The following LAMC1 variants were observed in gnomAD, a reference collection of about 807,000 sequenced individuals.
The protein encoded by LAMC1 is laminin subunit gamma 1.
A neutral mutation model predicts 173.6 loss-of-function variants in LAMC1; 38 were observed. That is an observed-to-expected ratio of 0.22 (90% CI 0.17 to 0.29). The LOEUF is 0.29. LAMC1 is among the 10% of genes least tolerant of loss of function. The pLI is 1.00. For synonymous variants in LAMC1, 746 were observed against 749.1 expected (o/e 1.00, Z 0.07); for missense variants, 1,824 against 2,051.8 (o/e 0.89, Z 2.14).
intron 1 of LAMC1, chr1:183,096,621 G>T (rs1338072070): frequency 6.6e-6 from 1 of 152,176 alleles, no homozygotes; most frequent in Non-Finnish European, 1.5e-5. Flanking sequence ...TTCTCAAATT[G>T]TAAGTTCCAT....
chr1:183,132,509 G>A lies in LAMC1; in HGVS notation c.3676G>A (p.Ala1226Thr), dbSNP rs1357710775. The change falls in exon 21 of 28, where the codon GCA becomes ACA. Residue 1226 changes from alanine (A) to threonine (T), a missense_variant. Coordinates refer to ENST00000258341, the MANE Select transcript of LAMC1 (RefSeq NM_002293.4). ...LRTLAGENQT[A>T]FEIEELNRKY... is the part of the protein sequence containing the mutation. ...GACACTGGCAGGAGAAAATCAAACAGCATTTGAGATTGAAGAGCTTAATAG... is the reference window on the plus strand; with the variant it reads ...GACACTGGCAGGAGAAAATCAAACAACATTTGAGATTGAAGAGCTTAATAG... 1.9e-6 allele frequency: 3 copies of A among 1,613,782 alleles called. No homozygotes were observed. The highest frequency in any genetic ancestry group is 2.2e-5 in the East Asian group (1 of 44,876).
chr1:183,119,983 C>A (rs1656424525), intron 11 of LAMC1, among the ~76,000 whole-genome samples: 3 of 151,484 alleles, frequency 2.0e-5, no homozygotes, highest in Admixed American at 2.0e-4. Context: ...GCAGCCTGGG[C>A]AACATAGCAA....
At chr1:183,071,950 C>T (rs2102041452) in intron 1 of LAMC1, among the ~76,000 whole-genome samples, 1 of 152,264 alleles carries the variant, frequency 6.6e-6, no homozygotes, top group East Asian at 1.9e-4. Flanking sequence ...TCTGTATTCT[C>T]TAATGCAGTG....
chr1:183,023,861 C>A lies in LAMC1; in HGVS notation c.145C>A (p.Arg49Ser). The A allele has an allele frequency of 6.2e-7, 1 of 1,610,624 alleles. No individual in the cohort carries two copies. Among genetic ancestry groups the A allele is most frequent in the Non-Finnish European group, 8.5e-7 (1 of 1,178,496 alleles). Residue 49 changes from arginine to serine, a missense_variant, in exon 1 of 28, where the codon CGC becomes AGC. Arg to Ser is a moderately radical substitution (Grantham distance 110). Coordinates refer to ENST00000258341, the MANE Select transcript of LAMC1 (RefSeq NM_002293.4). ...CACGGACGAGGGCGGGCGGCCGCAG[C>A]GCTGCATGCCCGAGTTCGTCAACGC... ...ECTDEGGRPQ[R>S]CMPEFVNAAF...
At chr1:183,115,923 G>A (rs548818481) in intron 6 of LAMC1, among the ~76,000 whole-genome samples, 5 of 152,048 alleles carry the variant, frequency 3.3e-5, no homozygotes, top group South Asian at 2.1e-4. Context: ...GCTGGATCAC[G>A]AGGTCAGGAG....
At chr1:183,115,175 A>G (rs1436777241) in intron 5 of LAMC1, among the ~76,000 whole-genome samples, 4 of 152,182 alleles carry the variant, frequency 2.6e-5, no homozygotes, top group African/African-American at 9.6e-5. Context: ...TTAGGCCTAT[A>G]TATACTTAAA....
At chr1:183,047,584 G>A (rs991283786) in intron 1 of LAMC1, among the ~76,000 whole-genome samples, 1 of 152,214 alleles carries the variant, frequency 6.6e-6, no homozygotes, top group Non-Finnish European at 1.5e-5. Context: ...CTTGTAAAAT[G>A]TGATAGATAT....
chr1:183,077,793 T>TATATATATATATATATATATATACAC (rs1558040719), intron 1 of LAMC1, among the ~76,000 whole-genome samples: 1 of 147,080 alleles, frequency 6.8e-6, no homozygotes, highest in African/African-American at 2.5e-5. Flanking sequence ...TATATATATA[T>TATATATATATATATATATATATACAC]ATACAGTAGC....
chr1:183,115,708 T>C lies in LAMC1; in HGVS notation c.1328+71T>C, dbSNP rs575548655. On this transcript the variant is annotated intron_variant, in intron 6 of 27. Coordinates refer to ENST00000258341, the MANE Select transcript of LAMC1 (RefSeq NM_002293.4). ...AGTCAACACATATTAATAGATCTTA[T>C]GGCTTATTGGCAGCAGGGTAAACAT... 7.0e-5 allele frequency: 70 copies of C among 996,144 alleles called. No individual in the cohort carries two copies. In the African/African-American group the frequency reaches 7.8e-4, roughly 11 times the overall value. The allele number at this position is 996,144 out of a possible 1,614,324, so 61.7% of individuals were successfully genotyped here.
intron 1 of LAMC1, among the ~76,000 whole-genome samples, chr1:183,046,442 AT>A (rs111326765): frequency 0.048 from 7,229 of 151,870 alleles, 364 homozygotes; most frequent in African/African-American, 0.13. Context: ...TTTATTATTG[AT>A]TTTTTTCTCC....
intron 1 of LAMC1, among the ~76,000 whole-genome samples, chr1:183,050,708 A>G (rs1305003040): frequency 2.7e-5 from 4 of 150,142 alleles, no homozygotes; most frequent in Non-Finnish European, 5.9e-5. Context: ...CCTGACCAAC[A>G]TGGTGAAACC....
At chr1:183,130,018 AAGTC>A (rs1656737208) in intron 18 of LAMC1, among the ~76,000 whole-genome samples, 1 of 152,194 alleles carries the variant, frequency 6.6e-6, no homozygotes, top group Non-Finnish European at 1.5e-5. Context: ...GCTGGTATTA[AAGTC>A]AGTCATTCTC....
chr1:183,096,743 G>A (rs1275732138), intron 1 of LAMC1: 5 of 152,230 alleles, frequency 3.3e-5, no homozygotes, highest in African/African-American at 1.2e-4. Context: ...CTAAGGGATT[G>A]TCCTCTTGCA....
intron 1 of LAMC1, among the ~76,000 whole-genome samples, chr1:183,027,517 A>G (rs1653721309): frequency 6.6e-6 from 1 of 152,148 alleles, no homozygotes; most frequent in African/African-American, 2.4e-5. Context: ...ACAGGATCCT[A>G]ATCTTGAGAA....
intron 11 of LAMC1, among the ~76,000 whole-genome samples, chr1:183,118,614 T>A (rs1215244401): frequency 1.3e-5 from 2 of 152,024 alleles, no homozygotes; most frequent in East Asian, 3.9e-4. Context: ...TCCCAGCTAC[T>A]TGGGTGGCTG....
chr1:183,075,052 T>C (rs1231169926), intron 1 of LAMC1, among the ~76,000 whole-genome samples: 2 of 152,098 alleles, frequency 1.3e-5, no homozygotes, highest in East Asian at 3.8e-4. Flanking sequence ...CCAAGATAGA[T>C]TATTAAAATT....
chr1:183,103,178 A>G, intron 1 of LAMC1, 150 bp from the exon 2 acceptor site: 1 of 789,092 alleles, frequency 1.3e-6, no homozygotes, highest in Non-Finnish European at 2.0e-6. Flanking sequence ...GAAAATACGT[A>G]GTTTTCTGTT....
Position 183,140,367 on chromosome 1 carries a change from T to A in LAMC1, c.4474-37T>A, listed in dbSNP as rs77860624. On this transcript the variant is annotated intron_variant, in intron 26 of 27. Coordinates refer to ENST00000258341, the MANE Select transcript of LAMC1 (RefSeq NM_002293.4). Reference sequence around the variant, plus strand: ...AAAAGATTTAAAGAAGATGAAAACATACAGTCAAGACTCTTTGCCTCATTT... The same window carrying A: ...AAAAGATTTAAAGAAGATGAAAACAAACAGTCAAGACTCTTTGCCTCATTT... The A allele has an allele frequency of 5.1e-3, 6,334 of 1,232,940 alleles. 219 individuals are homozygous for A. The African/African-American group carries it at 0.075, about 15-fold the overall frequency. 76.4% of individuals were successfully genotyped at this position (1,232,940 alleles called of 1,614,324 possible). A position where few individuals can be genotyped will look rare whatever the true frequency, so the allele number is the denominator to read the frequency against.
intron 1 of LAMC1, among the ~76,000 whole-genome samples, chr1:183,043,540 A>G (rs1246754795): frequency 6.6e-6 from 1 of 152,192 alleles, no homozygotes. Context: ...TTAATAGGAA[A>G]TTTCATTTCA....
Sources: gnomAD v4.1 joint callset for allele counts (sites outside exome capture counted in the v4.1 genomes callset) on GRCh38, gnomAD v4.1.1 for gene constraint, MANE v1.5 for transcripts, NCBI Gene and HGNC (gene_info 2026-07-23, HGNC 2026-07-21) for gene names.